MARK3: variants seen among roughly 807,000 people sequenced by gnomAD.
MARK3 encodes the protein MAP/microtubule affinity-regulating kinase 3.
MARK3 carries 46 observed loss-of-function variants against 90.1 expected under a neutral mutation model. That is an observed-to-expected ratio of 0.51 (90% CI 0.40 to 0.65). MARK3 has a LOEUF of 0.65. MARK3 is among the 30% of genes least tolerant of loss of function. The pLI is 0.00. For missense variants in MARK3, 818 were observed against 947.2 expected (o/e 0.86, Z 1.79); for synonymous variants, 321 against 332.6 (o/e 0.97, Z 0.38).
intron 2 of MARK3, among the ~76,000 whole-genome samples, chr14:103,422,411 C>T (rs188920100): frequency 4.9e-4 from 74 of 152,222 alleles, no homozygotes; most frequent in African/African-American, 1.5e-3. Context: ...GCCAAGATCG[C>T]GCGACTGCAC....
chr14:103,388,894 C>T (rs2140430132), intron 1 of MARK3, among the ~76,000 whole-genome samples: 1 of 152,052 alleles, frequency 6.6e-6, no homozygotes, highest in East Asian at 1.9e-4. Context: ...TTTGGATGTG[C>T]CACAATTTTT....
intron 3 of MARK3, among the ~76,000 whole-genome samples, chr14:103,429,528 T>C (rs953857974): frequency 1.3e-5 from 2 of 152,308 alleles, no homozygotes; most frequent in East Asian, 3.9e-4. Flanking sequence ...GCCCTGTCCC[T>C]GTTTTGTGTT....
intron 7 of MARK3, among the ~76,000 whole-genome samples, chr14:103,463,674 G>A (rs1405982291): frequency 1.3e-5 from 2 of 152,090 alleles, no homozygotes; most frequent in African/African-American, 2.4e-5. Flanking sequence ...AGGTGATTCC[G>A]ACACTACTTT....
intron 1 of MARK3, among the ~76,000 whole-genome samples, chr14:103,394,251 A>T (rs1034494456): frequency 6.6e-6 from 1 of 152,190 alleles, no homozygotes; most frequent in Admixed American, 6.5e-5. Context: ...TTCAAATTAA[A>T]CATGAAGGAG....
chr14:103,503,427 G>A lies in MARK3; in HGVS notation c.*200G>A, dbSNP rs1212882788. 4.0e-5 allele frequency: 23 copies of A among 573,278 alleles called. No homozygotes were observed. The highest frequency in any genetic ancestry group is 5.8e-5 in the Non-Finnish European group (19 of 327,052). 35.5% of individuals were successfully genotyped at this position (573,278 alleles called of 1,614,324 possible). A position where few individuals can be genotyped will look rare whatever the true frequency, so the allele number is the denominator to read the frequency against. ...TACATTAAAGATGTGCAACCTATGC[G>A]CCCCCTGCCCTACTTCCGTTACCCT... On this transcript the variant is annotated 3_prime_UTR_variant, in exon 18 of 18. Transcript: ENST00000429436.
At chr14:103,471,950 C>G (rs1417605122) in intron 12 of MARK3, among the ~76,000 whole-genome samples, 1 of 152,158 alleles carries the variant, frequency 6.6e-6, no homozygotes, top group Non-Finnish European at 1.5e-5. Context: ...GTGGCTCATG[C>G]CTGTAATCCC....
rs1285641010 is a variant in MARK3 at position 103,465,762 on chromosome 14, G to A, written c.746G>A (p.Gly249Asp). Residue 249 changes from glycine (G) to aspartate (D), a missense_variant, in exon 8 of 18, where the codon GGC (glycine) becomes GAC (aspartate). By Grantham distance (94) the Gly-to-Asp change is moderately conservative. This residue lies in a region of MARK3 where 101 missense variants were observed against 175.1 expected (regional missense o/e 0.58). Transcript: ENST00000429436. The stretch of plus-strand genomic sequence containing the variant: ...GTCATTTTATACACACTAGTCAGTG[G>A]CTCACTTCCCTTTGATGGGCAAAAC... ...LGVILYTLVS[G>D]SLPFDGQNLK... 1 of 1,614,006 alleles carries A rather than the reference G, an allele frequency of 6.2e-7. No individual in the cohort carries two copies. The highest frequency in any genetic ancestry group is 8.5e-7 in the Non-Finnish European group (1 of 1,179,948).
intron 2 of MARK3, among the ~76,000 whole-genome samples, chr14:103,418,969 AC>A (rs1400100254): frequency 6.6e-6 from 1 of 152,186 alleles, no homozygotes; most frequent in African/African-American, 2.4e-5. Context: ...CAGTTCTCAA[AC>A]GTTTCTGTCT....
At chr14:103,465,502 A>G in intron 7 of MARK3, 55 bp from the exon 8 acceptor site, 1 of 1,247,126 alleles carries the variant, frequency 8.0e-7, no homozygotes, top group Non-Finnish European at 1.2e-6. Context: ...ATCCTGTCAT[A>G]ATTCTAATTC....
chr14:103,412,150 C>T (rs2091679471), intron 2 of MARK3: 2 of 1,365,700 alleles, frequency 1.5e-6, no homozygotes, highest in Middle Eastern at 3.8e-4. Flanking sequence ...GCCCGTGGTG[C>T]TCTTGATATA....
intron 6 of MARK3, chr14:103,458,759 A>T: frequency 1.4e-6 from 1 of 730,280 alleles, no homozygotes; most frequent in Non-Finnish European, 2.5e-6. Flanking sequence ...TTAAAGTTCA[A>T]GTCTCCTTTG....
intron 13 of MARK3, among the ~76,000 whole-genome samples, chr14:103,478,781 C>T (rs1450108464): frequency 1.3e-5 from 2 of 152,188 alleles, no homozygotes; most frequent in Non-Finnish European, 2.9e-5. Context: ...TCAGGTGATC[C>T]ACCCGCCTCG....
rs186762522 is a variant in MARK3, at chr14:103,471,025, C to T, written c.1264+2839C>T. Among the ~76,000 whole-genome samples, 23 of 152,278 alleles carry T rather than the reference C, an allele frequency of 1.5e-4. No individual in the cohort carries two copies. In the East Asian group the frequency reaches 4.1e-3, roughly 27 times the overall value. On this transcript the variant is annotated intron_variant, in intron 12 of 17. Coordinates refer to ENST00000429436, the MANE Select transcript of MARK3 (RefSeq NM_001128918.3). The stretch of plus-strand genomic sequence containing the variant: ...TAACTGAGAGCTCAGAACTCATTCT[C>T]ACATCAGGATTTGTGCTCCTAGCAT...
At chr14:103,426,398 A>G (rs2092405561) in intron 2 of MARK3, among the ~76,000 whole-genome samples, 1 of 151,960 alleles carries the variant, frequency 6.6e-6, no homozygotes, top group Non-Finnish European at 1.5e-5. Flanking sequence ...AAGTGTGAGA[A>G]TGTTTGATGT....
chr14:103,439,820 C>T (rs990362067), intron 3 of MARK3, among the ~76,000 whole-genome samples: 1 of 151,828 alleles, frequency 6.6e-6, no homozygotes, highest in African/African-American at 2.4e-5. Flanking sequence ...GAGTTTCGCT[C>T]TTGTTACCCA....
chr14:103,441,531 C>G (rs1360527616), intron 3 of MARK3: 1 of 152,220 alleles, frequency 6.6e-6, no homozygotes, highest in African/African-American at 2.4e-5. Context: ...CGTGATCCAC[C>G]CATCTTGGCT....
intron 3 of MARK3, among the ~76,000 whole-genome samples, chr14:103,437,650 C>T (rs2092749088): frequency 1.3e-5 from 2 of 152,194 alleles, no homozygotes; most frequent in Non-Finnish European, 2.9e-5. Context: ...ACCAAGGAAC[C>T]AAGTATTTTA....
intron 1 of MARK3, among the ~76,000 whole-genome samples, chr14:103,393,185 G>T (rs2090371764): frequency 6.6e-6 from 1 of 152,074 alleles, no homozygotes; most frequent in African/African-American, 2.4e-5. Context: ...GTTTCACCAT[G>T]TTGGCAGGCT....
At chr14:103,426,766 C>G (rs2092416822) in intron 2 of MARK3, among the ~76,000 whole-genome samples, 1 of 152,122 alleles carries the variant, frequency 6.6e-6, no homozygotes. Context: ...CATACTCACC[C>G]TTTCTGAACA....
Sources: allele counts gnomAD v4.1 joint callset (sites outside exome capture counted in the v4.1 genomes callset), GRCh38; gene constraint gnomAD v4.1.1; regional missense constraint gnomAD v4.1.1; transcripts MANE v1.5; gene names NCBI Gene and HGNC (gene_info 2026-07-23, HGNC 2026-07-21).